The following HOMER1 variants were observed in gnomAD, a reference collection of about 807,000 sequenced individuals.
HOMER1 encodes homer scaffold protein 1, also known as homer protein homolog 1.
A neutral mutation model predicts 48.9 loss-of-function variants in HOMER1; 3 were observed. That is an observed-to-expected ratio of 0.06 (90% CI 0.03 to 0.16). The LOEUF is 0.16. HOMER1 is among the 10% of genes least tolerant of loss of function. The pLI is 1.00. For missense variants in HOMER1, 247 were observed against 411.4 expected (o/e 0.60, Z 3.46); for synonymous variants, 134 against 146.4 (o/e 0.92, Z 0.61).
chr5:79,481,544 T>A (rs966850939), intron 1 of HOMER1, among the ~76,000 whole-genome samples: 1 of 152,176 alleles, frequency 6.6e-6, no homozygotes, highest in African/African-American at 2.4e-5. Context: ...AGGAGGGAGC[T>A]GAACACAGGT....
At chr5:79,381,444 G>A (rs1048810043) in intron 8 of HOMER1, among the ~76,000 whole-genome samples, 6 of 152,086 alleles carry the variant, frequency 3.9e-5, no homozygotes, top group African/African-American at 1.4e-4. Flanking sequence ...TAAAACATGA[G>A]AACGCAATGA....
chr5:79,506,200 C>A (rs994958578), intron 1 of HOMER1, among the ~76,000 whole-genome samples: 1 of 151,846 alleles, frequency 6.6e-6, no homozygotes, highest in Non-Finnish European at 1.5e-5. Flanking sequence ...CTGCAACCTC[C>A]GCCTCACAGG....
intron 6 of HOMER1, among the ~76,000 whole-genome samples, chr5:79,401,514 T>C (rs940890426): frequency 4.6e-5 from 7 of 152,122 alleles, no homozygotes; most frequent in African/African-American, 1.7e-4. Context: ...GCATTCCCGC[T>C]TCACCGTCAA....
rs1349717054 is a variant in HOMER1 at position 79,456,925 on chromosome 5, A to G, written c.99T>C (p.Thr33=). Residue 33 remains threonine, a synonymous_variant, in exon 2 of 9, where the codon ACT becomes ACC. Coordinates refer to ENST00000334082, the MANE Select transcript of HOMER1 (RefSeq NM_004272.5). ...NWVPTSKHAV[T]VSYFYDSTRN... is the part of the protein sequence containing the mutation. Reference sequence around the variant, plus strand: ...TTGTGCTGTCATAGAAATAAGACACAGTAACTGCATGCTTGCTGGTGGGTA... The same window carrying G: ...TTGTGCTGTCATAGAAATAAGACACGGTAACTGCATGCTTGCTGGTGGGTA... The G allele has an allele frequency of 2.5e-6, 4 of 1,613,834 alleles. No individual in the cohort carries two copies. In the African/African-American group the frequency reaches 5.3e-5, roughly 22 times the overall value.
intron 8 of HOMER1, among the ~76,000 whole-genome samples, chr5:79,379,290 A>G (rs1242642878): frequency 8.9e-4 from 89 of 99,784 alleles, no homozygotes; most frequent in African/African-American, 3.4e-3. Flanking sequence ...TCTATTATAT[A>G]TATTAAAATT....
At chr5:79,458,451 T>C (rs535989299) in intron 1 of HOMER1, among the ~76,000 whole-genome samples, 4 of 152,048 alleles carry the variant, frequency 2.6e-5, no homozygotes, top group African/African-American at 9.6e-5. Context: ...AATTTTAAAT[T>C]TGAAGAAAGG....
At chr5:79,443,133 A>G (rs1298718617) in intron 4 of HOMER1, among the ~76,000 whole-genome samples, 1 of 152,174 alleles carries the variant, frequency 6.6e-6, no homozygotes, top group Non-Finnish European at 1.5e-5. Context: ...TGTTTATGCC[A>G]ATTCTATTTA....
intron 1 of HOMER1, among the ~76,000 whole-genome samples, chr5:79,469,243 A>C (rs1675962444): frequency 6.6e-6 from 1 of 152,228 alleles, no homozygotes; most frequent in Non-Finnish European, 1.5e-5. Flanking sequence ...GCTGCTTAAA[A>C]TGTTTTCCTG....
At chr5:79,448,818 C>A (rs938531151) in intron 3 of HOMER1, among the ~76,000 whole-genome samples, 1 of 152,026 alleles carries the variant, frequency 6.6e-6, no homozygotes, top group Non-Finnish European at 1.5e-5. Context: ...AGAGACTGAT[C>A]TGAAGCTCTT....
chr5:79,428,361 G>A (rs1043604114), intron 5 of HOMER1, among the ~76,000 whole-genome samples: 11 of 152,020 alleles, frequency 7.2e-5, no homozygotes, highest in African/African-American at 2.4e-4. Flanking sequence ...ACGACTCAAC[G>A]CTTTCCTTCT....
chr5:79,478,066 A>C (rs1751834343), intron 1 of HOMER1, among the ~76,000 whole-genome samples: 1 of 152,172 alleles, frequency 6.6e-6, no homozygotes, highest in South Asian at 2.1e-4. Context: ...CAGAAATGGC[A>C]TTTTAACAAG....
chr5:79,387,065 TTCTTTCTCTA>T (rs1409003075), intron 8 of HOMER1, among the ~76,000 whole-genome samples: 1 of 109,136 alleles, frequency 9.2e-6, no homozygotes, highest in Non-Finnish European at 1.7e-5. Context: ...CCTCTTTCCT[TTCTTTCTCTA>T]TCTCTCTCTC....
intron 1 of HOMER1, among the ~76,000 whole-genome samples, chr5:79,490,090 G>C (rs1003788667): frequency 5.3e-5 from 8 of 152,304 alleles, no homozygotes; most frequent in Non-Finnish European, 7.4e-5. Context: ...TACCAGGGCA[G>C]GGATTTTCTA....
In HOMER1 at chr5:79,476,856, G is replaced by A. The variant is rs542304332; in HGVS notation, c.6-19838C>T. 2.0e-5 allele frequency among the ~76,000 whole-genome samples: 3 copies of A among 152,246 alleles called. No homozygotes were observed. In the East Asian group the frequency reaches 5.8e-4, roughly 29 times the overall value. ...GTCAAAATGTGATTGGACAAAAAAG[G>A]TATAATTTAATGCTAATAAACTGAT... On this transcript the variant is annotated intron_variant, in intron 1 of 8. Transcript: ENST00000334082.
chr5:79,443,883 T>C (rs1216432945), intron 4 of HOMER1, among the ~76,000 whole-genome samples: 2 of 152,244 alleles, frequency 1.3e-5, no homozygotes, highest in Non-Finnish European at 2.9e-5. Context: ...ATAAGTAATG[T>C]AATACTCATG....
At chr5:79,443,154 A>G (rs528614461) in intron 4 of HOMER1, among the ~76,000 whole-genome samples, 1 of 152,308 alleles carries the variant, frequency 6.6e-6, no homozygotes, top group South Asian at 2.1e-4. Context: ...TATAATTATA[A>G]AACTGAATTA....
intron 1 of HOMER1, among the ~76,000 whole-genome samples, chr5:79,460,219 T>G (rs1445928907): frequency 6.6e-6 from 1 of 152,094 alleles, no homozygotes; most frequent in East Asian, 1.9e-4. Context: ...GTAATCCCAG[T>G]GCTTTGGGAG....
chr5:79,387,331 G>A (rs1749144608), intron 8 of HOMER1, among the ~76,000 whole-genome samples: 1 of 152,090 alleles, frequency 6.6e-6, no homozygotes, highest in South Asian at 2.1e-4. Flanking sequence ...GTCCTACTAT[G>A]TTGCCCAGGC....
Position 79,439,118 on chromosome 5 carries a change from AAAG to A in HOMER1, c.416_418del (p.Pro139del). The A allele has an allele frequency of 6.2e-7, 1 of 1,614,038 alleles. No individual in the cohort carries two copies. Among genetic ancestry groups the A allele is most frequent in the South Asian group, 1.1e-5 (1 of 91,066 alleles). On this transcript the variant is annotated inframe_deletion, in exon 5 of 9. Coordinates refer to ENST00000334082, the MANE Select transcript of HOMER1 (RefSeq NM_004272.5). The stretch of plus-strand genomic sequence containing the variant: ...TGTCCCGTTGATACTTTCCGGTGTT[AAAG>A]GAGACTGAAGATCCCCGCCTGCGGA...
Sources: gnomAD v4.1 joint callset for allele counts (sites outside exome capture counted in the v4.1 genomes callset) on GRCh38, gnomAD v4.1.1 for gene constraint, MANE v1.5 for transcripts, NCBI Gene and HGNC (gene_info 2026-07-23, HGNC 2026-07-21) for gene names.